RABGAP1: variants seen among roughly 807,000 people sequenced by gnomAD.
RABGAP1 encodes the protein rab GTPase-activating protein 1.
In RABGAP1, 23 loss-of-function variants were observed where a neutral mutation model predicts 137.6. The observed-to-expected ratio is 0.17, with a 90% CI of 0.12 to 0.24. The LOEUF (loss-of-function observed/expected upper bound fraction) is 0.24, where lower values mean the gene tolerates loss of function less well. Among genes scored for constraint, RABGAP1 ranks in the 10% least tolerant of loss-of-function variants. The probability of loss-of-function intolerance (pLI) is 1.00; values close to 1 mark genes in which losing one functional copy is unlikely to be tolerated. For synonymous variants in RABGAP1, 451 were observed against 450.7 expected (o/e 1.00, Z -0.01); for missense variants, 906 against 1,275.8 (o/e 0.71, Z 4.42).
chr9:123,055,946 T>G (rs142720003), intron 13 of RABGAP1, among the ~76,000 whole-genome samples: 2 of 152,320 alleles, frequency 1.3e-5, no homozygotes, highest in Non-Finnish European at 2.9e-5. Flanking sequence ...CCACGTCCCT[T>G]TGGCATACCC....
intron 10 of RABGAP1, among the ~76,000 whole-genome samples, chr9:123,001,759 T>C (rs1190522314): frequency 6.6e-6 from 1 of 152,220 alleles, no homozygotes; most frequent in East Asian, 1.9e-4. Context: ...CATAGTGCTG[T>C]TGTGGCATTA....
chr9:122,935,353 T>C, the RABGAP1 span, among the ~76,000 whole-genome samples: 1 of 152,212 alleles, frequency 6.6e-6, no homozygotes, highest in Non-Finnish European at 1.5e-5. Flanking sequence ...ATAATTTTTT[T>C]TTTTGAGACA....
Position 123,076,671 on chromosome 9 carries a change from G to T in RABGAP1, c.2333G>T (p.Gly778Val), listed in dbSNP as rs575586275. The T allele has an allele frequency of 6.2e-7, 1 of 1,606,670 alleles. No individual in the cohort carries two copies. Among genetic ancestry groups the T allele is most frequent in the South Asian group, 1.1e-5 (1 of 89,820 alleles). Reference sequence around the variant, plus strand: ...GACCTGCTGTTGACAGACTTTGAAGGTGCCTTGAAGTTCTTTAGGGTTCAG... The same window carrying T: ...GACCTGCTGTTGACAGACTTTGAAGTTGCCTTGAAGTTCTTTAGGGTTCAG... ...KDDLLLTDFEGALKFFRVQLP... is the reference protein window; with the variant it reads ...KDDLLLTDFEVALKFFRVQLP... The change falls in exon 19 of 26, where the codon GGT becomes GTT. Residue 778 changes from glycine (G) to valine (V), a missense_variant. Physicochemically the swap from Gly to Val is moderately radical, Grantham distance 109 (BLOSUM62 -3). Around this residue, in one of 9 missense-constraint regions of RABGAP1, gnomAD observed 77 missense variants for 105.6 expected, o/e 0.73. Transcript: ENST00000373647.
At chr9:122,932,602 T>G in the RABGAP1 span, among the ~76,000 whole-genome samples, 1 of 151,902 alleles carries the variant, frequency 6.6e-6, no homozygotes, top group Non-Finnish European at 1.5e-5. Context: ...TGATCTCGGC[T>G]CACCGCAACC....
chr9:122,944,914 C>G (rs865890484), intron 1 of RABGAP1, among the ~76,000 whole-genome samples: 1 of 151,914 alleles, frequency 6.6e-6, no homozygotes, highest in South Asian at 2.1e-4. Context: ...CTTCAGGGAT[C>G]GTTCCTATAG....
At position 123,079,587 on chromosome 9, in the gene RABGAP1, C is replaced by G. The variant is rs574120126; in HGVS notation, c.2424+2825C>G. On this transcript the variant is annotated intron_variant, in intron 19 of 25. Transcript: ENST00000373647. ...TTGTTGTGATGTGAACGGTTTTATACATAAAGATTCATTGGATTTTAGAGT... is the reference window on the plus strand; with the variant it reads ...TTGTTGTGATGTGAACGGTTTTATAGATAAAGATTCATTGGATTTTAGAGT... Among the ~76,000 whole-genome samples the G allele has an allele frequency of 2.0e-5, 3 of 152,258 alleles. No individual in the cohort carries two copies. The South Asian group carries it at 6.2e-4, about 32-fold the overall frequency.
chr9:122,959,188 G>T (rs1361922756), intron 2 of RABGAP1, among the ~76,000 whole-genome samples: 6 of 151,916 alleles, frequency 3.9e-5, no homozygotes. Context: ...GAAAAATCTG[G>T]GAAAAGAGCT....
At chr9:122,975,691 C>T (rs16912427) in intron 2 of RABGAP1, among the ~76,000 whole-genome samples, 2,399 of 152,240 alleles carry the variant, frequency 0.016, 35 homozygotes, top group South Asian at 0.065. Flanking sequence ...AATACCAACA[C>T]TTATTGGATG....
intron 2 of RABGAP1, among the ~76,000 whole-genome samples, chr9:122,959,015 G>GA (rs1173430712): frequency 2.0e-5 from 3 of 151,568 alleles, no homozygotes; most frequent in East Asian, 3.9e-4. Flanking sequence ...TCTCAAAAAA[G>GA]AAAAAACCCT....
the RABGAP1 span, among the ~76,000 whole-genome samples, chr9:122,931,817 C>T: frequency 6.6e-6 from 1 of 152,248 alleles, no homozygotes; most frequent in Non-Finnish European, 1.5e-5. Context: ...TCTTCTGTAG[C>T]TGGGCCTAGA....
At chr9:123,029,229 T>G (rs1193209167) in intron 13 of RABGAP1, 1 of 447,552 alleles carries the variant, frequency 2.2e-6, no homozygotes, top group Non-Finnish European at 4.0e-6. Context: ...TCAAAGTATC[T>G]CAAATCATTT....
intron 13 of RABGAP1, among the ~76,000 whole-genome samples, chr9:123,064,747 T>G (rs2034111830): frequency 1.3e-5 from 2 of 152,346 alleles, no homozygotes; most frequent in East Asian, 3.9e-4. Context: ...GTTAACTCAT[T>G]ATAGAAGAGG....
At chr9:122,980,749 A>G (rs1836004271) in intron 2 of RABGAP1, among the ~76,000 whole-genome samples, 1 of 152,234 alleles carries the variant, frequency 6.6e-6, no homozygotes, top group Non-Finnish European at 1.5e-5. Flanking sequence ...ATATTAGAAA[A>G]TAAATGAACT....
intron 6 of RABGAP1, among the ~76,000 whole-genome samples, chr9:122,995,693 C>T (rs188730132): frequency 2.6e-5 from 4 of 151,818 alleles, no homozygotes; most frequent in Admixed American, 1.3e-4. Context: ...CTCAGCCTCC[C>T]GAATAGCTGG....
At chr9:123,067,318 C>G (rs1310867010) in intron 14 of RABGAP1, among the ~76,000 whole-genome samples, 1 of 152,202 alleles carries the variant, frequency 6.6e-6, no homozygotes, top group Non-Finnish European at 1.5e-5. Flanking sequence ...AGGCCAGTAT[C>G]TTACATTGCT....
intron 4 of RABGAP1, 22 bp from the exon 5 acceptor site, chr9:122,989,275 C>G (rs1836539745): frequency 6.3e-7 from 1 of 1,592,380 alleles, no homozygotes; most frequent in Non-Finnish European, 8.6e-7. Flanking sequence ...TGTAATCTCT[C>G]TGTATCTTTT....
At chr9:123,024,340 G>GTTGTACCAGCAATGTAGTTGCATATAA (rs2031828525) in intron 13 of RABGAP1, among the ~76,000 whole-genome samples, 1 of 152,084 alleles carries the variant, frequency 6.6e-6, no homozygotes, top group Admixed American at 6.5e-5. Flanking sequence ...GTTGCATATA[G>GTTGTACCAGCAATGTAGTTGCATATAA]TTGTACCAGC....
At chr9:122,965,496 G>C (rs1250965398) in intron 2 of RABGAP1, among the ~76,000 whole-genome samples, 1 of 152,162 alleles carries the variant, frequency 6.6e-6, no homozygotes, top group Non-Finnish European at 1.5e-5. Flanking sequence ...AGTTTCTCCT[G>C]CCTCAGCCTC....
At chr9:123,066,155 C>G (rs779327182) in intron 14 of RABGAP1, among the ~76,000 whole-genome samples, 1 of 152,146 alleles carries the variant, frequency 6.6e-6, no homozygotes, top group Non-Finnish European at 1.5e-5. Context: ...GTCGCTAATG[C>G]TATATGACAA....
Sources: gnomAD v4.1 joint callset for allele counts (sites outside exome capture counted in the v4.1 genomes callset) on GRCh38, gnomAD v4.1.1 for gene constraint, gnomAD v4.1.1 regional missense constraint, MANE v1.5 for transcripts, NCBI Gene and HGNC (gene_info 2026-07-23, HGNC 2026-07-21) for gene names.